The following PRKCG variants were observed in gnomAD, a reference collection of about 807,000 sequenced individuals.
PRKCG encodes the protein protein kinase C gamma.
PRKCG carries 28 observed loss-of-function variants against 82.0 expected under a neutral mutation model. That is an observed-to-expected ratio of 0.34 (90% CI 0.25 to 0.47). The LOEUF is 0.47. PRKCG is among the 20% of genes least tolerant of loss of function. PRKCG has a pLI of 1.00. For synonymous variants in PRKCG, 383 were observed against 376.6 expected (o/e 1.02, Z -0.20); for missense variants, 640 against 952.7 (o/e 0.67, Z 4.32).
At position 53,898,445 on chromosome 19, in the gene PRKCG, G is replaced by A; in HGVS notation, c.1098G>A (p.Met366Ile). Residue 366 changes from methionine (M) to isoleucine (I), a missense_variant, in exon 11 of 18, where the codon ATG (methionine) becomes ATA (isoleucine). By Grantham distance (10) the Met-to-Ile change is conservative. Coordinates refer to ENST00000263431, the MANE Select transcript of PRKCG (RefSeq NM_002739.5). ...VLGKGSFGKV[M>I]LAERRGSDEL... ...TTTTGGAACTGTGCGCATAGGTGATGCTGGCCGAGCGCAGGGGCTCTGATG... is the reference window on the plus strand; with the variant it reads ...TTTTGGAACTGTGCGCATAGGTGATACTGGCCGAGCGCAGGGGCTCTGATG... The A allele has an allele frequency of 6.2e-7, 1 of 1,614,036 alleles. No individual in the cohort carries two copies.
Position 53,889,909 on chromosome 19 carries a change from C to A in PRKCG, c.421C>A (p.Arg141Ser). Reference protein sequence around the residue: ...CSCCEMNVHRRCVRSVPSLCG... With the variant: ...CSCCEMNVHRSCVRSVPSLCG... ...AGGCTGCGAGATGAACGTGCACCGGCGCTGTGTGCGTAGCGTGCCCTCCCT... is the reference window on the plus strand; with the variant it reads ...AGGCTGCGAGATGAACGTGCACCGGAGCTGTGTGCGTAGCGTGCCCTCCCT... Residue 141 changes from arginine (R) to serine (S), a missense_variant, in exon 5 of 18, where the codon CGC (arginine) becomes AGC (serine). By Grantham distance (110) the Arg-to-Ser change is moderately radical. Coordinates refer to ENST00000263431, the MANE Select transcript of PRKCG (RefSeq NM_002739.5). This position sits in a 1 kb window ranked among gnomAD's most constrained non-coding sequence, Gnocchi z 4.4. The A allele has an allele frequency of 6.3e-7, 1 of 1,584,558 alleles. No individual in the cohort carries two copies.
At chr19:53,903,734 C>T (rs2068781543) in intron 15 of PRKCG, among the ~76,000 whole-genome samples, 1 of 152,146 alleles carries the variant, frequency 6.6e-6, no homozygotes, top group Non-Finnish European at 1.5e-5. Context: ...CAGAGCAAGA[C>T]CCCATCTCAA....
In PRKCG at chr19:53,883,295, A is replaced by C. The variant is rs1325178730; in HGVS notation, c.202+101A>C. On this transcript the variant is annotated intron_variant, in intron 2 of 17. Transcript: ENST00000263431. The surrounding 1 kb of genome is among the most constrained non-coding windows in gnomAD (Gnocchi z 5.4). Reference sequence around the variant, plus strand: ...CACACGTGTTCTCTGGTCCCCAGAGAGGCGCGGGGGAGCCCGGGGCGGGGG... The same window carrying C: ...CACACGTGTTCTCTGGTCCCCAGAGCGGCGCGGGGGAGCCCGGGGCGGGGG... 7.0e-7 allele frequency: 1 copy of C among 1,437,654 alleles called. No individual in the cohort carries two copies. The highest frequency in any genetic ancestry group is 1.4e-5 in the African/African-American group (1 of 70,946). 89.1% of individuals were successfully genotyped at this position (1,437,654 alleles called of 1,614,324 possible). A position where few individuals can be genotyped will look rare whatever the true frequency, so the allele number is the denominator to read the frequency against.
chr19:53,891,394 A>G (rs1041755890), intron 5 of PRKCG, among the ~76,000 whole-genome samples: 4 of 150,378 alleles, frequency 2.7e-5, no homozygotes, highest in Non-Finnish European at 4.4e-5. Context: ...CTCCCGCCTC[A>G]GCCTCCTGAG....
In PRKCG at chr19:53,882,345, G is replaced by T; in HGVS notation, c.-150G>T. 1 of 1,188,224 alleles carries T rather than the reference G, an allele frequency of 8.4e-7. No homozygotes were observed. The highest frequency in any genetic ancestry group is 1.2e-6 in the Non-Finnish European group (1 of 843,866). The allele number at this position is 1,188,224 out of a possible 1,614,324, so 73.6% of individuals were successfully genotyped here. A position where few individuals can be genotyped will look rare whatever the true frequency, so the allele number is the denominator to read the frequency against. On this transcript the variant is annotated 5_prime_UTR_variant, in exon 1 of 18. Coordinates refer to ENST00000263431, the MANE Select transcript of PRKCG (RefSeq NM_002739.5). The surrounding 1 kb of genome is among the most constrained non-coding windows in gnomAD (Gnocchi z 6.1). ...CGGGGTGCCGCTCCCTGCCTGGCGC[G>T]CTCCGCACCTGGAGGTGCCTTGCCC...
Position 53,905,936 on chromosome 19 carries a change from C to T in PRKCG, c.1765-381C>T, listed in dbSNP as rs887572029. Reference sequence around the variant, plus strand: ...CCTGTCTCTCTCTCTCTCTCTCTCACTCACTCTCACCCTCTGTCTCTCTCT... The same window carrying T: ...CCTGTCTCTCTCTCTCTCTCTCTCATTCACTCTCACCCTCTGTCTCTCTCT... On this transcript the variant is annotated intron_variant, in intron 16 of 17. Coordinates refer to ENST00000263431, the MANE Select transcript of PRKCG (RefSeq NM_002739.5). Among the ~76,000 whole-genome samples the T allele has an allele frequency of 7.8e-5, 11 of 140,354 alleles. No individual in the cohort carries two copies. In the East Asian group the frequency reaches 2.2e-3, roughly 28 times the overall value. The allele number at this position is 140,354 out of a possible 152,430, so 92.1% of individuals were successfully genotyped here.
At chr19:53,890,124 C>T in intron 5 of PRKCG, 107 bp downstream of exon 5, 3 of 1,244,650 alleles carry the variant, frequency 2.4e-6, no homozygotes, top group South Asian at 1.3e-5. Context: ...TGGGGCCACG[C>T]CTCTTTCTAT....
At position 53,889,069 on chromosome 19, in the gene PRKCG, C is replaced by T. The variant is rs537654943; in HGVS notation, c.286-569C>T. Among the ~76,000 whole-genome samples the T allele has an allele frequency of 6.6e-6, 1 of 152,158 alleles. No individual in the cohort carries two copies. Among genetic ancestry groups the T allele is most frequent in the East Asian group, 1.9e-4 (1 of 5,190 alleles). ...CTGGATTCAAGCAATTCTCATGCCT[C>T]AGCCTCCTGAGTAGCTGGGATTACA... On this transcript the variant is annotated intron_variant, in intron 3 of 17. Transcript: ENST00000263431. The surrounding 1 kb of genome is among the most constrained non-coding windows in gnomAD (Gnocchi z 4.4).
At chr19:53,903,668 A>C (rs1234850879) in intron 15 of PRKCG, among the ~76,000 whole-genome samples, 1 of 152,208 alleles carries the variant, frequency 6.6e-6, no homozygotes, top group Non-Finnish European at 1.5e-5. Flanking sequence ...ACATGAGCCC[A>C]AGAACTCAAG....
chr19:53,899,480 A>C (rs970181738), intron 11 of PRKCG, among the ~76,000 whole-genome samples: 14 of 152,200 alleles, frequency 9.2e-5, no homozygotes, highest in African/African-American at 3.4e-4. Flanking sequence ...ACTTAGGGGC[A>C]GAGAGTCAGA....
Position 53,884,890 on chromosome 19 carries a change from T to G in PRKCG, c.285+647T>G, listed in dbSNP as rs990856238. 6.6e-6 allele frequency among the ~76,000 whole-genome samples: 1 copy of G among 152,214 alleles called. No homozygotes were observed. The highest frequency in any genetic ancestry group is 2.4e-5 in the African/African-American group (1 of 41,462). On this transcript the variant is annotated intron_variant, in intron 3 of 17. Coordinates refer to ENST00000263431, the MANE Select transcript of PRKCG (RefSeq NM_002739.5). This position sits in a 1 kb window ranked among gnomAD's most constrained non-coding sequence, Gnocchi z 4.6. ...GCACACATGTGCGTGCATGTACAGA[T>G]GCCCCTGTCATCACAGATGTGCAGC...
At position 53,889,788 on chromosome 19, in the gene PRKCG, C is replaced by T. The variant is rs752034003; in HGVS notation, c.397+39C>T. 4 of 1,603,338 alleles carry T rather than the reference C, an allele frequency of 2.5e-6. No homozygotes were observed. Among genetic ancestry groups the T allele is most frequent in the Non-Finnish European group, 3.4e-6 (4 of 1,175,116 alleles). On this transcript the variant is annotated intron_variant, in intron 4 of 17. Transcript: ENST00000263431. This position sits in a 1 kb window ranked among gnomAD's most constrained non-coding sequence, Gnocchi z 4.4. Reference sequence around the variant, plus strand: ...GCCTTGCCAGGGCCCTTCCAAAGCGCCCGGTCTGGGTTCCGGGAAATGCCC... The same window carrying T: ...GCCTTGCCAGGGCCCTTCCAAAGCGTCCGGTCTGGGTTCCGGGAAATGCCC...
chr19:53,906,886 C>T lies in PRKCG; in HGVS notation c.2085C>T (p.Pro695=), dbSNP rs2068817063. ...GCCCCACCAGCCCAGTGCCTGTGCC[C>T]GTCATGTAATCTCACCCGCCGCCAC... ...ARSPTSPVPV[P]VM Residue 695 remains proline (P), a synonymous_variant, in exon 18 of 18, where the codon CCC becomes CCT. Transcript: ENST00000263431. 6.2e-7 allele frequency: 1 copy of T among 1,613,248 alleles called. No homozygotes were observed. The highest frequency in any genetic ancestry group is 1.3e-5 in the African/African-American group (1 of 74,872).
intron 9 of PRKCG, among the ~76,000 whole-genome samples, chr19:53,894,986 G>A (rs67087171): frequency 0.039 from 5,870 of 152,210 alleles, 226 homozygotes; most frequent in East Asian, 0.12. Context: ...GTAGAAGGGC[G>A]GGATTTCCCA....
In PRKCG at chr19:53,900,705, A is replaced by T. The variant is rs774376490; in HGVS notation, c.1531A>T (p.Thr511Ser). Residue 511 changes from threonine to serine, a missense_variant, in exon 14 of 18, where the codon ACA becomes TCA. Physicochemically the swap from Thr to Ser is moderately conservative, Grantham distance 58. This residue lies in a region of PRKCG where 198 missense variants were observed against 273.4 expected (regional missense o/e 0.72). Coordinates refer to ENST00000263431, the MANE Select transcript of PRKCG (RefSeq NM_002739.5). The surrounding 1 kb of genome is among the most constrained non-coding windows in gnomAD (Gnocchi z 4.2). ...TAAGGAGAACGTCTTCCCCGGGACG[A>T]CAACCCGCACCTTCTGCGGGACCCC... ...MCKENVFPGT[T>S]TRTFCGTPDY... The T allele has an allele frequency of 1.9e-6, 3 of 1,614,108 alleles. No homozygotes were observed. The African/African-American group carries it at 4.0e-5, about 22-fold the overall frequency.
intron 15 of PRKCG, 62 bp from the exon 16 acceptor site, chr19:53,904,573 G>T: frequency 6.9e-7 from 1 of 1,453,396 alleles, no homozygotes; most frequent in East Asian, 2.4e-5. Flanking sequence ...AGGAGGGTGT[G>T]GAAGGTTTGG....
rs1382993812 is a variant in PRKCG at position 53,898,626 on chromosome 19, C to T, written c.1279C>T (p.Pro427Ser). 2.5e-6 allele frequency: 4 copies of T among 1,575,426 alleles called. No homozygotes were observed. Among genetic ancestry groups the T allele is most frequent in the Non-Finnish European group, 3.4e-6 (4 of 1,161,966 alleles). ...CCAGCTCCACTCCACCTTCCAGACCCCGGTAAGGATGGAGGGGGCGGAGGC... is the reference window on the plus strand; with the variant it reads ...CCAGCTCCACTCCACCTTCCAGACCTCGGTAAGGATGGAGGGGGCGGAGGC... ...LTQLHSTFQT[P>S]DRLYFVMEYV... The change falls in exon 11 of 18, where the codon CCG becomes TCG. Residue 427 changes from proline (P) to serine (S), a missense_variant and splice_region_variant. Pro to Ser is a moderately conservative substitution (Grantham distance 74, BLOSUM62 -1). Around this residue, in one of 7 missense-constraint regions of PRKCG, gnomAD observed 78 missense variants for 105.6 expected, o/e 0.74. Transcript: ENST00000263431.
intron 17 of PRKCG, 116 bp downstream of exon 17, chr19:53,906,573 C>T (rs578228869): frequency 6.4e-7 from 1 of 1,561,232 alleles, no homozygotes. Context: ...CCGCCCCCAA[C>T]AAAAGGAGGT....
Position 53,883,313 on chromosome 19 carries a change from G to A in PRKCG, c.202+119G>A. 1 of 1,263,728 alleles carries A rather than the reference G, an allele frequency of 7.9e-7. No homozygotes were observed. The highest frequency in any genetic ancestry group is 1.1e-6 in the Non-Finnish European group (1 of 881,274). The allele number at this position is 1,263,728 out of a possible 1,614,324, so 78.3% of individuals were successfully genotyped here. A position where few individuals can be genotyped will look rare whatever the true frequency, so the allele number is the denominator to read the frequency against. On this transcript the variant is annotated intron_variant, in intron 2 of 17. Transcript: ENST00000263431. The surrounding 1 kb of genome is among the most constrained non-coding windows in gnomAD (Gnocchi z 5.4). ...CCCAGAGAGGCGCGGGGGAGCCCGG[G>A]GCGGGGGGTGTGGCAGAGACACAGC...
Sources: gnomAD v4.1 joint callset for allele counts (sites outside exome capture counted in the v4.1 genomes callset) on GRCh38, gnomAD v4.1.1 for gene constraint, gnomAD v4.1.1 regional missense constraint, Gnocchi (gnomAD v3.1) non-coding constraint, MANE v1.5 for transcripts, NCBI Gene and HGNC (gene_info 2026-07-23, HGNC 2026-07-21) for gene names.